Variants in TOX observed in about 807,000 individuals in gnomAD.
TOX encodes the protein thymocyte selection associated high mobility group box.
In TOX, 11 loss-of-function variants were observed where a neutral mutation model predicts 53.7. That is an observed-to-expected ratio of 0.20 (90% CI 0.13 to 0.34). The LOEUF (loss-of-function observed/expected upper bound fraction) is 0.34, where lower values mean the gene tolerates loss of function less well. Ranked by LOEUF, TOX falls within the 10% of genes least tolerant of loss-of-function variation. The probability of loss-of-function intolerance (pLI) is 1.00; values close to 1 mark genes in which losing one functional copy is unlikely to be tolerated. For synonymous variants in TOX, 225 were observed against 245.3 expected (o/e 0.92, Z 0.77); for missense variants, 570 against 664.6 (o/e 0.86, Z 1.56).
intron 5 of TOX, among the ~76,000 whole-genome samples, chr8:58,834,147 G>C (rs2129166530): frequency 6.6e-6 from 1 of 152,228 alleles, no homozygotes; most frequent in Non-Finnish European, 1.5e-5. Context: ...CTCACTAATA[G>C]CCGTTTTTCC....
At chr8:58,853,312 C>T in intron 3 of TOX, among the ~76,000 whole-genome samples, 1 of 152,240 alleles carries the variant, frequency 6.6e-6, no homozygotes, top group Admixed American at 6.5e-5. Flanking sequence ...TTCCTCCAAG[C>T]CTTCAAAAGT....
chr8:59,037,939 C>G (rs1317822941), intron 1 of TOX, among the ~76,000 whole-genome samples: 1 of 151,802 alleles, frequency 6.6e-6, no homozygotes, highest in East Asian at 1.9e-4. Flanking sequence ...GAAAAAGTAT[C>G]ATGAAATAGT....
intron 4 of TOX, among the ~76,000 whole-genome samples, chr8:58,838,748 C>CTGGA (rs1411112684): frequency 8.1e-6 from 1 of 122,806 alleles, no homozygotes; most frequent in African/African-American, 3.3e-5. Context: ...TGTCGCCAGG[C>CTGGA]TGGAGTGCAG....
chr8:58,968,351 T>A (rs1585931136), intron 1 of TOX, among the ~76,000 whole-genome samples: 1 of 152,222 alleles, frequency 6.6e-6, no homozygotes, highest in African/African-American at 2.4e-5. Context: ...CTTTTTCAAA[T>A]GAATTCCCAA....
intron 5 of TOX, among the ~76,000 whole-genome samples, chr8:58,829,178 T>C (rs1206180741): frequency 6.6e-6 from 1 of 152,192 alleles, no homozygotes; most frequent in Non-Finnish European, 1.5e-5. Context: ...TACGATGCTA[T>C]CCCTTTGTTG....
At chr8:58,816,547 A>G (rs1394395950) in intron 6 of TOX, among the ~76,000 whole-genome samples, 1 of 152,176 alleles carries the variant, frequency 6.6e-6, no homozygotes, top group Non-Finnish European at 1.5e-5. Context: ...GCCTGAACCT[A>G]CCTCCTACAT....
chr8:58,913,904 C>T (rs1585897547), intron 3 of TOX, among the ~76,000 whole-genome samples: 1 of 152,060 alleles, frequency 6.6e-6, no homozygotes. Context: ...AGCCACTTTT[C>T]GAGAAAAATA....
At chr8:59,003,497 C>T (rs10504275) in intron 1 of TOX, among the ~76,000 whole-genome samples, 12,257 of 152,028 alleles carry the variant, frequency 0.081, 617 homozygotes, top group Middle Eastern at 0.16. Flanking sequence ...TCAGGATTCA[C>T]GAGGATTGTG....
At chr8:59,042,132 G>T (rs1803599251) in intron 1 of TOX, among the ~76,000 whole-genome samples, 1 of 152,186 alleles carries the variant, frequency 6.6e-6, no homozygotes, top group Non-Finnish European at 1.5e-5. Context: ...AAAGCATTCT[G>T]ATCGCTACAT....
intron 3 of TOX, among the ~76,000 whole-genome samples, chr8:58,884,209 G>A (rs1259954459): frequency 6.6e-6 from 1 of 152,130 alleles, no homozygotes; most frequent in Non-Finnish European, 1.5e-5. Context: ...AAACAATTTT[G>A]AAGCTTTAAG....
intron 1 of TOX, among the ~76,000 whole-genome samples, chr8:59,036,272 A>G (rs932135405): frequency 6.6e-5 from 10 of 152,202 alleles, no homozygotes; most frequent in African/African-American, 2.4e-4. Flanking sequence ...GAAATGCAGT[A>G]TCTAAAGGCA....
intron 3 of TOX, among the ~76,000 whole-genome samples, chr8:58,891,849 G>A (rs1811566185): frequency 6.6e-6 from 1 of 152,090 alleles, no homozygotes; most frequent in South Asian, 2.1e-4. Flanking sequence ...CTTTGCCGTG[G>A]CAGAGCCTGG....
chr8:59,008,041 C>T (rs973981539), intron 1 of TOX, among the ~76,000 whole-genome samples: 8 of 152,210 alleles, frequency 5.3e-5, no homozygotes, highest in Non-Finnish European at 4.4e-5. Context: ...TTTTGACATT[C>T]AAAATGAACT....
At chr8:58,897,224 C>G (rs533158034) in intron 3 of TOX, among the ~76,000 whole-genome samples, 1 of 152,094 alleles carries the variant, frequency 6.6e-6, no homozygotes, top group African/African-American at 2.4e-5. Context: ...TCATTTTCTC[C>G]AATTACCACT....
intron 3 of TOX, among the ~76,000 whole-genome samples, chr8:58,936,209 A>C (rs1237250474): frequency 6.6e-6 from 1 of 152,170 alleles, no homozygotes; most frequent in Non-Finnish European, 1.5e-5. Flanking sequence ...CAAAATACCC[A>C]ATCTGATTTT....
intron 4 of TOX, among the ~76,000 whole-genome samples, chr8:58,848,848 C>T (rs1018008379): frequency 1.3e-5 from 2 of 152,154 alleles, no homozygotes; most frequent in Non-Finnish European, 1.5e-5. Context: ...ATTAGATGAG[C>T]TGGAATCAAT....
chr8:59,062,785 T>G (rs1231602720), intron 1 of TOX, among the ~76,000 whole-genome samples: 1 of 151,652 alleles, frequency 6.6e-6, no homozygotes, highest in Non-Finnish European at 1.5e-5. Flanking sequence ...AGAGAGAGGG[T>G]GTGTGTGTGT....
At chr8:58,834,845 T>C (rs531149242) in intron 5 of TOX, among the ~76,000 whole-genome samples, 1 of 152,308 alleles carries the variant, frequency 6.6e-6, no homozygotes, top group East Asian at 1.9e-4. Context: ...ATCTGCAGCC[T>C]CACTCTCTTG....
chr8:58,852,175 T>C (rs1196090613), intron 3 of TOX, among the ~76,000 whole-genome samples: 1 of 152,194 alleles, frequency 6.6e-6, no homozygotes, highest in African/African-American at 2.4e-5. Flanking sequence ...AAGATGTTGA[T>C]GCTCATTAGA....
Sources: allele counts gnomAD v4.1 joint callset (sites outside exome capture counted in the v4.1 genomes callset), GRCh38; gene constraint gnomAD v4.1.1; transcripts MANE v1.5; gene names NCBI Gene and HGNC (gene_info 2026-07-23, HGNC 2026-07-21).